CSDE1: variants seen among roughly 807,000 people sequenced by gnomAD.
The protein encoded by CSDE1 is cold shock domain containing E1, also known as cold shock domain-containing protein E1.
A neutral mutation model predicts 89.3 loss-of-function variants in CSDE1; 17 were observed. The observed-to-expected ratio is 0.19, with a 90% CI of 0.13 to 0.29. The LOEUF is 0.29. CSDE1 is among the 10% of genes least tolerant of loss of function. The probability of loss-of-function intolerance (pLI) is 1.00; values close to 1 mark genes in which losing one functional copy is unlikely to be tolerated. For synonymous variants in CSDE1, 322 were observed against 332.8 expected, an observed-to-expected ratio of 0.97 and a Z score of 0.35; for missense variants, 672 against 984.2, an observed-to-expected ratio of 0.68 and a Z score of 4.24.
At position 114,735,233 on chromosome 1, in the gene CSDE1, A is replaced by C. The variant is rs544059706; in HGVS notation, c.501-710T>G. Reference sequence around the variant, plus strand: ...TTTTTAAGATAACATAGACTGTATAAGACATAATGGTACTGTTAGTCTAAA... The same window carrying C: ...TTTTTAAGATAACATAGACTGTATACGACATAATGGTACTGTTAGTCTAAA... On this transcript the variant is annotated intron_variant, in intron 6 of 19. Transcript: ENST00000358528. 2.0e-5 allele frequency among the ~76,000 whole-genome samples: 3 copies of C among 152,352 alleles called. No individual in the cohort carries two copies. The South Asian group carries it at 6.2e-4, about 32-fold the overall frequency.
chr1:114,738,763 C>T (rs141287959), intron 3 of CSDE1, among the ~76,000 whole-genome samples: 191 of 142,264 alleles, frequency 1.3e-3, no homozygotes, highest in Admixed American at 2.2e-3. Flanking sequence ...CTCTACCTTG[C>T]GGGCTCAAGC....
In CSDE1 at chr1:114,752,478, C is replaced by G. The variant is rs992907376; in HGVS notation, c.-387-2271G>C. On this transcript the variant is annotated intron_variant, in intron 1 of 19. Transcript: ENST00000358528. Reference sequence around the variant, plus strand: ...GCCAGGCCTTGTTATCTCCCCCCAACCCCTGCTCCAAGTGTTTCTGACTTC... The same window carrying G: ...GCCAGGCCTTGTTATCTCCCCCCAAGCCCTGCTCCAAGTGTTTCTGACTTC... Among the ~76,000 whole-genome samples, 4 of 152,222 alleles carry G rather than the reference C, an allele frequency of 2.6e-5. No homozygotes were observed. In the South Asian group the frequency reaches 8.3e-4, roughly 32 times the overall value.
intron 2 of CSDE1, among the ~76,000 whole-genome samples, chr1:114,742,630 G>C (rs1379569415): frequency 1.3e-5 from 2 of 152,120 alleles, no homozygotes; most frequent in Non-Finnish European, 2.9e-5. Flanking sequence ...GATTCCCGCA[G>C]AAGAACCTCA....
chr1:114,724,525 A>G (rs1396106610), intron 15 of CSDE1, among the ~76,000 whole-genome samples: 6 of 152,256 alleles, frequency 3.9e-5, no homozygotes, highest in Admixed American at 3.3e-4. Flanking sequence ...TGTCTAAAAC[A>G]TAACACACAC....
rs1660431864 is a variant in CSDE1, at chr1:114,736,869, A to C, written c.403-14T>G. The C allele has an allele frequency of 1.3e-6, 2 of 1,576,720 alleles. No homozygotes were observed. The highest frequency in any genetic ancestry group is 2.7e-5 in the African/African-American group (2 of 74,148). On this transcript the variant is annotated splice_polypyrimidine_tract_variant and intron_variant, in intron 5 of 19. Coordinates refer to ENST00000358528, the MANE Select transcript of CSDE1 (RefSeq NM_001007553.3). The stretch of plus-strand genomic sequence containing the variant: ...ATAAAACACTTCCTGTGAATTAATA[A>C]ATCATTATTACTATTTTGGCAGGAT...
chr1:114,737,480 T>C lies in CSDE1; in HGVS notation c.393A>G (p.Glu131=). The C allele has an allele frequency of 6.2e-7, 1 of 1,613,330 alleles. No individual in the cohort carries two copies. Among genetic ancestry groups the C allele is most frequent in the Non-Finnish European group, 8.5e-7 (1 of 1,179,312 alleles). The stretch of plus-strand genomic sequence containing the variant: ...AAATACACAAGTTTACCCCATTACG[T>C]TCGTAGCATACACTCCCTGTTGGAC... ...GQSPTGSVCY[E]RNGEVFYLTY... The change falls in exon 5 of 20, where the codon GAA becomes GAG. Residue 131 remains glutamate, a synonymous_variant. Transcript: ENST00000358528.
rs550870871 is a variant in CSDE1 at position 114,727,113 on chromosome 1, A to T, written c.1357-23T>A. ...CTCCTAAAGAGATACAGTCAAAAAC[A>T]GAATGAAAACAATCTCAAGAACAAA... On this transcript the variant is annotated intron_variant, in intron 12 of 19. Coordinates refer to ENST00000358528, the MANE Select transcript of CSDE1 (RefSeq NM_001007553.3). 120 of 1,517,924 alleles carry T rather than the reference A, an allele frequency of 7.9e-5. No homozygotes were observed. In the African/African-American group the frequency reaches 1.6e-3, roughly 20 times the overall value. The allele number at this position is 1,517,924 out of a possible 1,614,324, so 94.0% of individuals were successfully genotyped here.
rs752300720 is a variant in CSDE1, at chr1:114,737,968, C to T, written c.304G>A (p.Gly102Arg). 1 of 1,606,272 alleles carries T rather than the reference C, an allele frequency of 6.2e-7. No individual in the cohort carries two copies. The highest frequency in any genetic ancestry group is 8.5e-7 in the Non-Finnish European group (1 of 1,172,884). The change falls in exon 4 of 20, where the codon GGA becomes AGA. Residue 102 changes from glycine (G) to arginine (R), a missense_variant. Physicochemically the swap from Gly to Arg is moderately radical, Grantham distance 125. Transcript: ENST00000358528. ...QEILPEERMN[G>R]QVVCAVPHNL... is the part of the protein sequence containing the mutation. ...AAAGCATCAAAGTCACTAACTTGTCCATTCATTCGTTCTTCAGGGAGGATT... is the reference window on the plus strand; with the variant it reads ...AAAGCATCAAAGTCACTAACTTGTCTATTCATTCGTTCTTCAGGGAGGATT...
At chr1:114,740,982 C>T (rs896428830) in intron 2 of CSDE1, among the ~76,000 whole-genome samples, 5 of 152,146 alleles carry the variant, frequency 3.3e-5, no homozygotes, top group African/African-American at 1.2e-4. Flanking sequence ...TTTGAGTCAA[C>T]GATATGTGTG....
intron 5 of CSDE1, among the ~76,000 whole-genome samples, chr1:114,737,201 C>T (rs1660452111): frequency 6.6e-6 from 1 of 151,880 alleles, no homozygotes; most frequent in Admixed American, 6.6e-5. Context: ...AAAAAGATCC[C>T]CCCCACAACC....
Position 114,726,202 on chromosome 1 carries a change from A to AG in CSDE1, c.1640+8_1640+9insC. The AG allele has an allele frequency of 1.3e-6, 2 of 1,586,542 alleles. No homozygotes were observed. The highest frequency in any genetic ancestry group is 1.7e-6 in the Non-Finnish European group (2 of 1,168,230). On this transcript the variant is annotated intron_variant, in intron 14 of 19. Coordinates refer to ENST00000358528, the MANE Select transcript of CSDE1 (RefSeq NM_001007553.3). ...GTTAGCTGTAAAGTTCCTGAAAGTC[A>AG]CGCCTTACCTGTAATGGAAAAAGAT...
chr1:114,724,370 T>C, intron 15 of CSDE1: 1 of 185,586 alleles, frequency 5.4e-6, no homozygotes, highest in Admixed American at 5.5e-5. Flanking sequence ...CATACTGTCC[T>C]GATTCATCTT....
chr1:114,725,056 C>T (rs898046100), intron 15 of CSDE1, among the ~76,000 whole-genome samples, 165 bp downstream of exon 15: 1 of 152,138 alleles, frequency 6.6e-6, no homozygotes, highest in African/African-American at 2.4e-5. Context: ...GGGATAGGGT[C>T]AGAGAACGTA....
At chr1:114,737,870 A>C (rs1330768088) in intron 4 of CSDE1, 93 bp downstream of exon 4, 7 of 884,702 alleles carry the variant, frequency 7.9e-6, no homozygotes, top group Non-Finnish European at 1.3e-5. Flanking sequence ...TCTTTCGTGC[A>C]AACTGAGGAG....
At chr1:114,732,478 C>T (rs1305121613) in intron 10 of CSDE1, 126 bp downstream of exon 10, 5 of 800,152 alleles carry the variant, frequency 6.2e-6, no homozygotes, top group Admixed American at 2.4e-5. Flanking sequence ...TTCTTAATCA[C>T]CTTAACAAGG....
chr1:114,748,341 T>A (rs1661126782), intron 2 of CSDE1: 1 of 152,214 alleles, frequency 6.6e-6, no homozygotes, highest in South Asian at 2.1e-4. Context: ...TCTTCATTGG[T>A]GCTTCTTCCT....
chr1:114,737,245 T>C (rs79094640), intron 5 of CSDE1, among the ~76,000 whole-genome samples: 2 of 152,158 alleles, frequency 1.3e-5, no homozygotes, highest in African/African-American at 4.8e-5. Context: ...CATTTTACCT[T>C]AATGTTCTAA....
chr1:114,726,313 T>C lies in CSDE1; in HGVS notation c.1538A>G (p.Asn513Ser), dbSNP rs557843511. The C allele has an allele frequency of 3.7e-6, 6 of 1,613,878 alleles. No homozygotes were observed. In the South Asian group the frequency reaches 4.4e-5, roughly 12 times the overall value. The change falls in exon 14 of 20, where the codon AAT becomes AGT. Residue 513 changes from asparagine (N) to serine (S), a missense_variant. Around this residue, in one of 8 missense-constraint regions of CSDE1, gnomAD observed 108 missense variants for 105.0 expected, o/e 1.03. Coordinates refer to ENST00000358528, the MANE Select transcript of CSDE1 (RefSeq NM_001007553.3). ...ACCCAAGAGCCTCTTGGAGTTAGAA[T>C]TACGACCTAAAAGTCGCACACAAGT... ...VATCVRLLGRNSNSKRLLGYV... is the reference protein window; with the variant it reads ...VATCVRLLGRSSNSKRLLGYV...
chr1:114,724,024 A>C lies in CSDE1; in HGVS notation c.1754-22T>G, dbSNP rs144443708. On this transcript the variant is annotated intron_variant, in intron 15 of 19. Transcript: ENST00000358528. ...TTCACTACAAAACAAAGGCAGGTAC[A>C]TCTTTCAATTTTATTTCATCTCTAC... 2.2e-4 allele frequency: 349 copies of C among 1,603,830 alleles called. No individual in the cohort carries two copies. In the African/African-American group the frequency reaches 3.6e-3, roughly 17 times the overall value.
Sources: allele counts gnomAD v4.1 joint callset (sites outside exome capture counted in the v4.1 genomes callset), GRCh38; gene constraint gnomAD v4.1.1; regional missense constraint gnomAD v4.1.1; transcripts MANE v1.5; gene names NCBI Gene and HGNC (gene_info 2026-07-23, HGNC 2026-07-21).